Variants in BCL6 observed in about 807,000 individuals in gnomAD.
The protein encoded by BCL6 is BCL6 transcription repressor, also known as B-cell lymphoma 6 protein.
A neutral mutation model predicts 59.5 loss-of-function variants in BCL6; 7 were observed. That is an observed-to-expected ratio of 0.12 (90% CI 0.07 to 0.22). The LOEUF (loss-of-function observed/expected upper bound fraction) is 0.22. Ranked by LOEUF, BCL6 falls within the 10% of genes least tolerant of loss-of-function variation. BCL6 has a pLI of 1.00. For missense variants in BCL6, 685 were observed against 939.4 expected, an observed-to-expected ratio of 0.73 and a Z score of 3.54; for synonymous variants, 339 against 349.7, an observed-to-expected ratio of 0.97 and a Z score of 0.34.
intron 1 of BCL6, among the ~76,000 whole-genome samples, chr3:187,738,482 GA>G (rs1719393733): frequency 6.6e-6 from 1 of 152,194 alleles, no homozygotes; most frequent in South Asian, 2.1e-4. Flanking sequence ...TTCCGAATCC[GA>G]TTTCCCCGAA....
At chr3:187,732,309 A>G in intron 3 of BCL6, 2 of 396,284 alleles carry the variant, frequency 5.0e-6, no homozygotes, top group Non-Finnish European at 1.0e-5. Context: ...TACCTTTGTC[A>G]TAAGCATTCC....
chr3:187,736,969 C>A (rs1719308818), intron 1 of BCL6: 1 of 152,212 alleles, frequency 6.6e-6, no homozygotes, highest in Admixed American at 6.5e-5. Flanking sequence ...CCCAAAATCT[C>A]AAAACCAATT....
chr3:187,738,784 C>A (rs1719408418), intron 1 of BCL6, among the ~76,000 whole-genome samples: 1 of 152,192 alleles, frequency 6.6e-6, no homozygotes, highest in Non-Finnish European at 1.5e-5. Context: ...AGTCGGTCTG[C>A]AAAGAACGAG....
intron 1 of BCL6, among the ~76,000 whole-genome samples, chr3:187,740,365 C>A (rs1481157648): frequency 2.8e-5 from 4 of 145,324 alleles, no homozygotes; most frequent in African/African-American, 1.0e-4. Context: ...ACACGCAAAC[C>A]CCCGAGCTCC....
In BCL6 at chr3:187,722,415, T is replaced by C; in HGVS notation, c.*43A>G. The C allele has an allele frequency of 2.5e-6, 4 of 1,586,944 alleles. No individual in the cohort carries two copies. The highest frequency in any genetic ancestry group is 3.4e-6 in the Non-Finnish European group (4 of 1,166,588). On this transcript the variant is annotated 3_prime_UTR_variant, in exon 10 of 10. Transcript: ENST00000406870. Reference sequence around the variant, plus strand: ...AGTGTTACAGTATCCTTTGGGTAGATTCTGAGAAGGGGCTGGAGACGAAAG... The same window carrying C: ...AGTGTTACAGTATCCTTTGGGTAGACTCTGAGAAGGGGCTGGAGACGAAAG...
intron 3 of BCL6, among the ~76,000 whole-genome samples, chr3:187,732,668 A>C (rs1476751615): frequency 1.3e-5 from 2 of 152,274 alleles, no homozygotes; most frequent in Non-Finnish European, 2.9e-5. Context: ...GCTTCTCTGC[A>C]TCTTGCTTTA....
chr3:187,728,623 G>A (rs987226723), intron 5 of BCL6, 79 bp from the exon 6 acceptor site: 1 of 1,416,986 alleles, frequency 7.1e-7, no homozygotes, highest in Admixed American at 2.6e-5. Context: ...GTGTAGGCAA[G>A]CCCAGAGGCC....
At chr3:187,740,698 C>T (rs1711554182) in intron 1 of BCL6, among the ~76,000 whole-genome samples, 1 of 152,208 alleles carries the variant, frequency 6.6e-6, no homozygotes, top group African/African-American at 2.4e-5. Context: ...AACTGCAAAA[C>T]AGAGTTGTAC....
At chr3:187,743,809 G>A (rs1186239768) in intron 1 of BCL6, among the ~76,000 whole-genome samples, 2 of 132,668 alleles carry the variant, frequency 1.5e-5, no homozygotes, top group Non-Finnish European at 3.1e-5. Context: ...CCGGGCCGCC[G>A]CCGCCGCGCC....
intron 1 of BCL6, among the ~76,000 whole-genome samples, chr3:187,744,941 TG>T (rs772195852): frequency 6.6e-6 from 1 of 152,130 alleles, no homozygotes; most frequent in Admixed American, 6.5e-5. Flanking sequence ...CTCCGCGGTC[TG>T]GGGCCAGACA....
Position 187,722,124 on chromosome 3 carries a change from C to A in BCL6, c.*334G>T. Reference sequence around the variant, plus strand: ...CTGTTCCCACAAAACATATACATTCCTCATTTTGCAGACTAAAGTCAAGTC... The same window carrying A: ...CTGTTCCCACAAAACATATACATTCATCATTTTGCAGACTAAAGTCAAGTC... On this transcript the variant is annotated 3_prime_UTR_variant, in exon 10 of 10. Transcript: ENST00000406870. The A allele has an allele frequency of 3.9e-6, 1 of 259,466 alleles. No individual in the cohort carries two copies. The allele number at this position is 259,466 out of a possible 1,614,324, so 16.1% of individuals were successfully genotyped here.
rs189037992 is a variant in BCL6, at chr3:187,729,765, G to A, written c.640C>T (p.Arg214Trp). 1.2e-5 allele frequency: 19 copies of A among 1,614,166 alleles called. No homozygotes were observed. Among genetic ancestry groups the A allele is most frequent in the African/African-American group, 4.0e-5 (3 of 75,044 alleles). The change falls in exon 5 of 10, where the codon CGG (arginine) becomes TGG (tryptophan). Residue 214 changes from arginine to tryptophan, a missense_variant. Arg to Trp is a moderately radical substitution (Grantham distance 101). Transcript: ENST00000406870. The surrounding 1 kb of genome is among the most constrained non-coding windows in gnomAD (Gnocchi z 5.6). ...TTGGCCACAGGCATCCGGACATCCC[G>A]AAACTCCTCATCGGAGAAGAGGAGG... ...SSLLFSDEEF[R>W]DVRMPVANPF...
At chr3:187,733,438 A>C (rs753699138) in intron 3 of BCL6, 95 bp downstream of exon 3, 2 of 1,422,336 alleles carry the variant, frequency 1.4e-6, no homozygotes, top group Non-Finnish European at 1.9e-6. Flanking sequence ...ACGTCATCCC[A>C]GATGCAGTAA....
At chr3:187,728,631 GC>G in intron 5 of BCL6, 87 bp from the exon 6 acceptor site, 1 of 1,344,298 alleles carries the variant, frequency 7.4e-7, no homozygotes, top group Non-Finnish European at 1.0e-6. Context: ...AAGCCCAGAG[GC>G]CAGAGCTGGG....
At chr3:187,730,150 G>T in intron 4 of BCL6, 129 bp from the exon 5 acceptor site, 1 of 1,277,312 alleles carries the variant, frequency 7.8e-7, no homozygotes, top group Non-Finnish European at 1.0e-6. Flanking sequence ...TGGCTCTGGA[G>T]CAGGGAACCA....
At chr3:187,728,929 T>C in intron 5 of BCL6, 121 bp downstream of exon 5, 1 of 1,328,264 alleles carries the variant, frequency 7.5e-7, no homozygotes, top group Admixed American at 2.8e-5. Flanking sequence ...ACTAACTCAA[T>C]CTATAGGCAC....
chr3:187,744,764 A>G (rs1711817654), intron 1 of BCL6, among the ~76,000 whole-genome samples: 1 of 152,230 alleles, frequency 6.6e-6, no homozygotes, highest in African/African-American at 2.4e-5. Context: ...AAGGAAGAAG[A>G]GGCGAGGAAA....
chr3:187,743,388 A>G (rs2108481771), intron 1 of BCL6, among the ~76,000 whole-genome samples: 1 of 152,124 alleles, frequency 6.6e-6, no homozygotes, highest in Admixed American at 6.5e-5. Flanking sequence ...TGAGGTGGTC[A>G]GGGGCCCTGT....
chr3:187,725,736 T>C lies in BCL6; in HGVS notation c.1709-107A>G. ...CAGCCTGCTCCTCCCTGAGGCCACT[T>C]GTGTTTTCCTTTCCCTTAGGGAATG... On this transcript the variant is annotated intron_variant, in intron 7 of 9. Coordinates refer to ENST00000406870, the MANE Select transcript of BCL6 (RefSeq NM_001706.5). The surrounding 1 kb of genome is among the most constrained non-coding windows in gnomAD (Gnocchi z 4.7). The C allele has an allele frequency of 1.4e-6, 2 of 1,380,886 alleles. No individual in the cohort carries two copies. The highest frequency in any genetic ancestry group is 2.0e-6 in the Non-Finnish European group (2 of 1,008,552). The allele number at this position is 1,380,886 out of a possible 1,614,324, so 85.5% of individuals were successfully genotyped here.
Sources: gnomAD v4.1 joint callset for allele counts (sites outside exome capture counted in the v4.1 genomes callset) on GRCh38, gnomAD v4.1.1 for gene constraint, Gnocchi (gnomAD v3.1) non-coding constraint, MANE v1.5 for transcripts, NCBI Gene and HGNC (gene_info 2026-07-23, HGNC 2026-07-21) for gene names.